Variants in PTPRG observed in about 807,000 individuals in gnomAD.
The protein encoded by PTPRG is protein tyrosine phosphatase receptor type G, also known as receptor-type tyrosine-protein phosphatase gamma.
A neutral mutation model predicts 165.3 loss-of-function variants in PTPRG; 102 were observed. That is an observed-to-expected ratio of 0.62 (90% CI 0.53 to 0.73). The LOEUF (loss-of-function observed/expected upper bound fraction) is 0.73, where lower values mean the gene tolerates loss of function less well. Among genes scored for constraint, PTPRG ranks in the 30% least tolerant of loss-of-function variants. PTPRG has a pLI of 0.00. For synonymous variants in PTPRG, 675 were observed against 669.5 expected (o/e 1.01, Z -0.13); for missense variants, 1,866 against 1,861.4 (o/e 1.00, Z -0.05).
chr3:61,790,866 A>G (rs560873436), intron 2 of PTPRG, among the ~76,000 whole-genome samples: 8 of 152,220 alleles, frequency 5.3e-5, no homozygotes, highest in African/African-American at 1.9e-4. Flanking sequence ...AGGTAGGTAC[A>G]AGGATTGATT....
Position 62,275,861 on chromosome 3 carries a change from T to G in PTPRG, c.3466-12T>G, listed in dbSNP as rs569206513. ...TCTTTGAATGAAGACTAAAATGTTT[T>G]TTCTTTTTCAGCTGGTCACACAGTG... On this transcript the variant is annotated splice_polypyrimidine_tract_variant and intron_variant, in intron 23 of 29. Coordinates refer to ENST00000474889, the MANE Select transcript of PTPRG (RefSeq NM_002841.4). 1.0e-5 allele frequency: 16 copies of G among 1,587,602 alleles called. No homozygotes were observed. In the Admixed American group the frequency reaches 1.4e-4, roughly 14 times the overall value.
At chr3:61,923,887 G>A (rs1428573683) in intron 2 of PTPRG, among the ~76,000 whole-genome samples, 2 of 151,704 alleles carry the variant, frequency 1.3e-5, no homozygotes, top group Non-Finnish European at 2.9e-5. Context: ...TAGTAAAGGG[G>A]ATGTATTAAC....
intron 13 of PTPRG, among the ~76,000 whole-genome samples, chr3:62,226,159 A>T (rs1186811748): frequency 2.0e-5 from 3 of 152,240 alleles, no homozygotes; most frequent in Admixed American, 1.3e-4. Flanking sequence ...GAACCCAGAC[A>T]ATTTGACTTC....
intron 2 of PTPRG, among the ~76,000 whole-genome samples, chr3:61,804,415 C>G (rs1055935374): frequency 4.6e-5 from 7 of 152,292 alleles, no homozygotes; most frequent in African/African-American, 1.7e-4. Context: ...GATGTAATCT[C>G]AAATCTTAGC....
chr3:61,927,820 G>C (rs1314723424), intron 2 of PTPRG, among the ~76,000 whole-genome samples: 3 of 152,164 alleles, frequency 2.0e-5, no homozygotes. Context: ...GCAGTCATTT[G>C]ATGTTGAATA....
At position 62,078,366 on chromosome 3, in the gene PTPRG, G is replaced by C. The variant is rs889570651; in HGVS notation, c.615+108G>C. The C allele has an allele frequency of 6.1e-6, 4 of 656,940 alleles. No homozygotes were observed. In the African/African-American group the frequency reaches 7.5e-5, roughly 12 times the overall value. 40.7% of individuals were successfully genotyped at this position (656,940 alleles called of 1,614,324 possible). ...TGCATCTGTTTTCTAGTTCACACCT[G>C]TCCAAATGAAAGATATTTCATATTG... On this transcript the variant is annotated intron_variant, in intron 5 of 29. Transcript: ENST00000474889.
chr3:62,068,758 A>C (rs1701104211), intron 4 of PTPRG, among the ~76,000 whole-genome samples: 1 of 152,180 alleles, frequency 6.6e-6, no homozygotes, highest in Admixed American at 6.5e-5. Context: ...CTGGCACCCA[A>C]GTATATGCCT....
chr3:62,104,106 A>G (rs193155501), intron 5 of PTPRG, among the ~76,000 whole-genome samples: 253 of 152,288 alleles, frequency 1.7e-3, no homozygotes, highest in African/African-American at 5.7e-3. Flanking sequence ...AGGGAGCTCT[A>G]CTTGCTTTAC....
At chr3:61,791,187 G>A (rs2034857561) in intron 2 of PTPRG, among the ~76,000 whole-genome samples, 1 of 152,202 alleles carries the variant, frequency 6.6e-6, no homozygotes, top group South Asian at 2.1e-4. Flanking sequence ...GAAGCTTTGA[G>A]AATAGTTTTG....
intron 1 of PTPRG, among the ~76,000 whole-genome samples, chr3:61,732,856 G>A (rs767476185): frequency 6.6e-5 from 10 of 152,164 alleles, no homozygotes; most frequent in Non-Finnish European, 1.2e-4. Context: ...ATATGCCTGC[G>A]TGGAACATTC....
chr3:61,745,335 C>T (rs1575627701), intron 1 of PTPRG, among the ~76,000 whole-genome samples: 1 of 152,142 alleles, frequency 6.6e-6, no homozygotes, highest in South Asian at 2.1e-4. Context: ...GCGTGAGCCT[C>T]GCACCTGGCT....
At chr3:61,909,651 G>T (rs1229147467) in intron 2 of PTPRG, among the ~76,000 whole-genome samples, 1 of 150,722 alleles carries the variant, frequency 6.6e-6, no homozygotes, top group Non-Finnish European at 1.5e-5. Context: ...CTCCCAAAAT[G>T]CTGGGTTTAC....
intron 17 of PTPRG, among the ~76,000 whole-genome samples, chr3:62,264,420 G>GCA (rs1701798651): frequency 1.3e-5 from 2 of 152,040 alleles, no homozygotes; most frequent in Admixed American, 6.6e-5. Flanking sequence ...TTGCACCTCA[G>GCA]CAAGAAACCT....
chr3:61,868,754 A>G (rs17065551), intron 2 of PTPRG, among the ~76,000 whole-genome samples: 1,785 of 152,298 alleles, frequency 0.012, 37 homozygotes, highest in African/African-American at 0.04. Flanking sequence ...TGTTTCTTAC[A>G]GTTCTCAAGG....
chr3:61,835,924 C>T (rs2036444050), intron 2 of PTPRG, among the ~76,000 whole-genome samples: 1 of 151,734 alleles, frequency 6.6e-6, no homozygotes, highest in Non-Finnish European at 1.5e-5. Flanking sequence ...CCTGTAATTC[C>T]AGCTACTTGG....
At chr3:61,607,015 A>G (rs552318884) in intron 1 of PTPRG, among the ~76,000 whole-genome samples, 1 of 152,312 alleles carries the variant, frequency 6.6e-6, no homozygotes, top group East Asian at 1.9e-4. Context: ...GTGAGGATGA[A>G]AGCCCCCACT....
chr3:61,742,187 A>G (rs1267888713), intron 1 of PTPRG, among the ~76,000 whole-genome samples: 1 of 152,154 alleles, frequency 6.6e-6, no homozygotes, highest in Non-Finnish European at 1.5e-5. Context: ...CACTGAGAGT[A>G]AGGATTACAC....
At chr3:61,678,164 C>A (rs757954477) in intron 1 of PTPRG, among the ~76,000 whole-genome samples, 23 of 152,070 alleles carry the variant, frequency 1.5e-4, no homozygotes, top group Non-Finnish European at 3.2e-4. Context: ...CAAAGGCATG[C>A]GTGTGGCTGC....
intron 4 of PTPRG, among the ~76,000 whole-genome samples, chr3:62,006,555 A>G (rs372096322): frequency 1.1e-4 from 17 of 152,334 alleles, no homozygotes; most frequent in African/African-American, 3.4e-4. Context: ...ATCATGGAGC[A>G]ATTTATCAGC....
Sources: gnomAD v4.1 joint callset for allele counts (sites outside exome capture counted in the v4.1 genomes callset) on GRCh38, gnomAD v4.1.1 for gene constraint, MANE v1.5 for transcripts, NCBI Gene and HGNC (gene_info 2026-07-23, HGNC 2026-07-21) for gene names.